Variants in KCTD1 observed in about 807,000 individuals in gnomAD.
KCTD1 encodes BTB/POZ domain-containing protein KCTD1.
KCTD1 carries 24 observed loss-of-function variants against 66.0 expected under a neutral mutation model. That is an observed-to-expected ratio of 0.36 (90% CI 0.26 to 0.51). KCTD1 has a LOEUF of 0.51. KCTD1 is among the 20% of genes least tolerant of loss of function. The probability of loss-of-function intolerance (pLI) is 0.95; values close to 1 mark genes in which losing one functional copy is unlikely to be tolerated. For missense variants in KCTD1, 943 were observed against 1,205.2 expected (o/e 0.78, Z 3.22); for synonymous variants, 511 against 517.2 (o/e 0.99, Z 0.16).
At chr18:26,485,924 C>T (rs1173101968) in intron 2 of KCTD1, among the ~76,000 whole-genome samples, 3 of 150,626 alleles carry the variant, frequency 2.0e-5, no homozygotes, top group Non-Finnish European at 4.4e-5. Flanking sequence ...TATGGATTAT[C>T]TAATTTAATC....
At chr18:26,584,050 G>C (rs966123978) in intron 1 of KCTD1, among the ~76,000 whole-genome samples, 2 of 152,170 alleles carry the variant, frequency 1.3e-5, no homozygotes, top group Admixed American at 6.5e-5. Flanking sequence ...CCAGAATCCA[G>C]TTGGGTTTGG....
intron 1 of KCTD1, among the ~76,000 whole-genome samples, chr18:26,564,469 C>A (rs2144884039): frequency 6.6e-6 from 1 of 152,294 alleles, no homozygotes. Flanking sequence ...CTGTTAGGAC[C>A]CAGCTCACAC....
intron 1 of KCTD1, among the ~76,000 whole-genome samples, chr18:26,613,181 T>C (rs1329111186): frequency 6.6e-6 from 1 of 152,216 alleles, no homozygotes. Flanking sequence ...GAGGATTGAC[T>C]TGTGATGAAA....
chr18:26,467,957 A>T (rs1275031945), intron 3 of KCTD1, among the ~76,000 whole-genome samples: 1 of 152,220 alleles, frequency 6.6e-6, no homozygotes, highest in Non-Finnish European at 1.5e-5. Flanking sequence ...ACCATGAAAG[A>T]TGTGAGCAAC....
intron 1 of KCTD1, among the ~76,000 whole-genome samples, chr18:26,623,070 G>T (rs930844860): frequency 6.6e-6 from 1 of 151,918 alleles, no homozygotes; most frequent in Non-Finnish European, 1.5e-5. Context: ...TTAATGTCTG[G>T]TCTCGGCCTT....
intron 1 of KCTD1, among the ~76,000 whole-genome samples, chr18:26,504,752 A>T (rs74980497): frequency 0.026 from 3,890 of 152,292 alleles, 158 homozygotes; most frequent in African/African-American, 0.088. Flanking sequence ...TGTATTAGAC[A>T]CTGAAGTTGA....
chr18:26,545,209 TCTTA>T (rs1206287338), intron 1 of KCTD1: 2 of 152,184 alleles, frequency 1.3e-5, no homozygotes, highest in African/African-American at 4.8e-5. Context: ...GACTTTTAAC[TCTTA>T]ATTAATCAGG....
At chr18:26,653,753 CATT>C (rs1184002761) in intron 1 of KCTD1, among the ~76,000 whole-genome samples, 2 of 152,196 alleles carry the variant, frequency 1.3e-5, no homozygotes. Context: ...ACAAGCAAAA[CATT>C]ATTTACATCT....
chr18:26,634,076 G>A (rs1055616459), upstream of KCTD1, among the ~76,000 whole-genome samples: 1 of 152,126 alleles, frequency 6.6e-6, no homozygotes, highest in African/African-American at 2.4e-5. Flanking sequence ...ATTCCAGACT[G>A]TATGATTCCA....
In KCTD1 at chr18:26,513,353, C is replaced by A. The variant is rs554876843; in HGVS notation, c.1810-12103G>T. 5.9e-5 allele frequency among the ~76,000 whole-genome samples: 9 copies of A among 151,830 alleles called. No individual in the cohort carries two copies. The South Asian group carries it at 6.3e-4, about 11-fold the overall frequency. Reference sequence around the variant, plus strand: ...CTGCCCACTTCGGCCTCCCAAAGTGCTGGGATTACAGGCGTGAGCCACCGC... The same window carrying A: ...CTGCCCACTTCGGCCTCCCAAAGTGATGGGATTACAGGCGTGAGCCACCGC... On this transcript the variant is annotated intron_variant, in intron 1 of 4. Transcript: ENST00000580059.
intron 2 of KCTD1, among the ~76,000 whole-genome samples, chr18:26,483,011 T>C (rs1039065770): frequency 2.0e-5 from 3 of 152,246 alleles, no homozygotes; most frequent in Admixed American, 1.3e-4. Flanking sequence ...ACATATGGTT[T>C]GGACTTTAGG....
chr18:26,461,207 G>A (rs1282005862), intron 3 of KCTD1, among the ~76,000 whole-genome samples: 3 of 152,180 alleles, frequency 2.0e-5, no homozygotes, highest in Admixed American at 6.5e-5. Flanking sequence ...CAGCTGTAGC[G>A]GCATTATTCA....
At chr18:26,614,492 G>GA (rs1987207018) in intron 1 of KCTD1, among the ~76,000 whole-genome samples, 3 of 152,206 alleles carry the variant, frequency 2.0e-5, no homozygotes, top group African/African-American at 7.2e-5. Context: ...GCAGATGTGG[G>GA]ATGGGCAGAG....
intron 3 of KCTD1, among the ~76,000 whole-genome samples, chr18:26,471,030 A>G (rs532674644): frequency 2.6e-5 from 4 of 152,260 alleles, no homozygotes; most frequent in Admixed American, 2.6e-4. Flanking sequence ...TCTGTGAGAC[A>G]GAAGAATGAA....
chr18:26,498,636 G>GA (rs1477021193), intron 2 of KCTD1, among the ~76,000 whole-genome samples: 1 of 151,732 alleles, frequency 6.6e-6, no homozygotes, highest in Non-Finnish European at 1.5e-5. Context: ...TTCAAACTTA[G>GA]ATGATATTTC....
chr18:26,618,116 C>T (rs1417759838), intron 1 of KCTD1, among the ~76,000 whole-genome samples: 1 of 150,898 alleles, frequency 6.6e-6, no homozygotes, highest in Non-Finnish European at 1.5e-5. Flanking sequence ...ACAAAAAAGA[C>T]TCTGGCACTC....
chr18:26,632,926 T>G (rs1051582261), upstream of KCTD1, among the ~76,000 whole-genome samples: 4 of 152,026 alleles, frequency 2.6e-5, no homozygotes, highest in Admixed American at 1.3e-4. Flanking sequence ...ATTGCAACAG[T>G]CTTGGGAGGG....
chr18:26,522,288 G>T (rs190859387), intron 1 of KCTD1, among the ~76,000 whole-genome samples: 2 of 152,290 alleles, frequency 1.3e-5, no homozygotes, highest in Non-Finnish European at 2.9e-5. Flanking sequence ...ACAGACAAAC[G>T]CACGGGGAAC....
At chr18:26,554,131 GAA>G (rs1367021260) in intron 1 of KCTD1, among the ~76,000 whole-genome samples, 3 of 134,264 alleles carry the variant, frequency 2.2e-5, no homozygotes, top group Admixed American at 7.3e-5. Context: ...AAAAGAGAAA[GAA>G]AGAATAATCA....
Sources: allele counts gnomAD v4.1 joint callset (sites outside exome capture counted in the v4.1 genomes callset), GRCh38; gene constraint gnomAD v4.1.1; transcripts MANE v1.5; gene names NCBI Gene and HGNC (gene_info 2026-07-23, HGNC 2026-07-21).